Variants in CDYL2 observed in about 807,000 individuals in gnomAD.
CDYL2 encodes the protein chromodomain Y like 2, also known as chromodomain Y-like protein 2.
In CDYL2, 23 loss-of-function variants were observed where a neutral mutation model predicts 49.4. The ratio of observed to expected loss-of-function variants is 0.47; its 90% CI spans 0.34 to 0.66. The LOEUF (loss-of-function observed/expected upper bound fraction) is 0.66, where lower values mean the gene tolerates loss of function less well. Among genes scored for constraint, CDYL2 ranks in the 30% least tolerant of loss-of-function variants. CDYL2 has a pLI of 0.01. For missense variants in CDYL2, 678 were observed against 656.4 expected, an observed-to-expected ratio of 1.03 and a Z score of -0.36; for synonymous variants, 360 against 268.8, an observed-to-expected ratio of 1.34 and a Z score of -3.32.
rs757403782 is a variant in CDYL2 at position 80,685,149 on chromosome 16, G to C, written c.25-20C>G. ...TTCAACCTGCGATACAAGATGAGAG[G>C]GTCAGAAAACAGAGAGAGAGGGAGG... On this transcript the variant is annotated intron_variant, in intron 1 of 6. Transcript: ENST00000570137. 1.9e-6 allele frequency: 3 copies of C among 1,576,500 alleles called. No homozygotes were observed. The highest frequency in any genetic ancestry group is 1.7e-6 in the Non-Finnish European group (2 of 1,155,384).
chr16:80,641,913 A>T (rs969873984), intron 2 of CDYL2, among the ~76,000 whole-genome samples: 19 of 152,222 alleles, frequency 1.2e-4, no homozygotes, highest in Admixed American at 4.6e-4. Context: ...AAAAATAAAA[A>T]AAAAAAGAAA....
intron 1 of CDYL2, among the ~76,000 whole-genome samples, chr16:80,771,475 A>T (rs1490828797): frequency 6.6e-6 from 1 of 152,220 alleles, no homozygotes; most frequent in Non-Finnish European, 1.5e-5. Flanking sequence ...AGGCCGAGGT[A>T]GGCGGATCAC....
rs1437083649 is a variant in CDYL2, at chr16:80,604,267, G to A, written c.*121C>T. 1 of 1,104,894 alleles carries A rather than the reference G, an allele frequency of 9.1e-7. No individual in the cohort carries two copies. Among genetic ancestry groups the A allele is most frequent in the African/African-American group, 1.6e-5 (1 of 63,958 alleles). The allele number at this position is 1,104,894 out of a possible 1,614,324, so 68.4% of individuals were successfully genotyped here. On this transcript the variant is annotated 3_prime_UTR_variant, in exon 7 of 7. Transcript: ENST00000570137. ...GAGCAACCAAAGGACACGAGGAAAT[G>A]GACACAACCCTACGTATAAAGAGAC...
At chr16:80,643,982 T>G (rs139981507) in intron 2 of CDYL2, among the ~76,000 whole-genome samples, 96 of 152,308 alleles carry the variant, frequency 6.3e-4, no homozygotes, top group Non-Finnish European at 9.4e-4. Context: ...AACAAAAAAA[T>G]GGGTTTTCTT....
At chr16:80,634,343 G>C (rs546775266) in intron 2 of CDYL2, among the ~76,000 whole-genome samples, 33 of 152,294 alleles carry the variant, frequency 2.2e-4, no homozygotes, top group African/African-American at 7.0e-4. Context: ...CATGTCCTTT[G>C]CAGCGACATA....
chr16:80,714,444 T>C (rs1347329300), intron 1 of CDYL2, among the ~76,000 whole-genome samples: 4 of 152,144 alleles, frequency 2.6e-5, no homozygotes, highest in Non-Finnish European at 4.4e-5. Context: ...GTGTATCCCA[T>C]AAATATGTAC....
intron 1 of CDYL2, among the ~76,000 whole-genome samples, chr16:80,746,889 C>G (rs1242392217): frequency 1.3e-5 from 2 of 152,142 alleles, no homozygotes; most frequent in East Asian, 3.8e-4. Context: ...TCCAGATTCC[C>G]AGCTTCTCTT....
intron 1 of CDYL2, among the ~76,000 whole-genome samples, chr16:80,742,637 GA>G (rs1905783236): frequency 6.6e-6 from 1 of 152,054 alleles, no homozygotes; most frequent in Admixed American, 6.6e-5. Context: ...TGGATGGATG[GA>G]TGGATGGAGG....
At chr16:80,704,054 C>T (rs191406763) in intron 1 of CDYL2, among the ~76,000 whole-genome samples, 107 of 152,318 alleles carry the variant, frequency 7.0e-4, no homozygotes, top group Middle Eastern at 3.4e-3. Context: ...CCAGTAAAAA[C>T]TCCACTACCT....
At position 80,633,203 on chromosome 16, in the gene CDYL2, T is replaced by G; in HGVS notation, c.650A>C (p.His217Pro). The part of the protein sequence containing the change: ...SALTNGGLNL[H>P]SPVKRKLEAE... ...TTCCAGCTTCCTCTTCACTGGACTGTGCAGGTTCAATCCCCCGTTGGTCAG... is the reference window on the plus strand; with the variant it reads ...TTCCAGCTTCCTCTTCACTGGACTGGGCAGGTTCAATCCCCCGTTGGTCAG... Residue 217 changes from histidine (H) to proline (P), a missense_variant, in exon 3 of 7, where the codon CAC becomes CCC. Around this residue, in one of 3 missense-constraint regions of CDYL2, gnomAD observed 478 missense variants for 427.0 expected, o/e 1.12. Coordinates refer to ENST00000570137, the MANE Select transcript of CDYL2 (RefSeq NM_152342.4). 1 of 1,614,202 alleles carries G rather than the reference T, an allele frequency of 6.2e-7. No homozygotes were observed. The highest frequency in any genetic ancestry group is 1.1e-5 in the South Asian group (1 of 91,082).
chr16:80,652,423 A>C lies in CDYL2; in HGVS notation c.617-19187T>G, dbSNP rs998589119. ...ATCTGAAAATATAAAATTACCATCC[A>C]TGAGTCCATACTGCTTTAAATAAAT... On this transcript the variant is annotated intron_variant, in intron 2 of 6. Coordinates refer to ENST00000570137, the MANE Select transcript of CDYL2 (RefSeq NM_152342.4). 2.0e-5 allele frequency among the ~76,000 whole-genome samples: 3 copies of C among 152,266 alleles called. No homozygotes were observed. In the East Asian group the frequency reaches 5.8e-4, roughly 29 times the overall value.
chr16:80,610,049 A>C (rs1906524540), intron 5 of CDYL2, among the ~76,000 whole-genome samples: 1 of 152,332 alleles, frequency 6.6e-6, no homozygotes, highest in African/African-American at 2.4e-5. Context: ...AGGGCCTGGT[A>C]GTGCAGAAGG....
chr16:80,669,216 T>C (rs1159825868), intron 2 of CDYL2, among the ~76,000 whole-genome samples: 1 of 151,596 alleles, frequency 6.6e-6, no homozygotes, highest in Admixed American at 6.6e-5. Context: ...TGGAAGGTAA[T>C]GGGAAGACGA....
intron 2 of CDYL2, among the ~76,000 whole-genome samples, chr16:80,670,260 G>T (rs553044528): frequency 1.3e-5 from 2 of 149,796 alleles, no homozygotes; most frequent in East Asian, 3.9e-4. Context: ...CGTGTGGTGG[G>T]AGGGACCCAG....
At chr16:80,661,589 A>G (rs1471985898) in intron 2 of CDYL2, among the ~76,000 whole-genome samples, 3 of 152,190 alleles carry the variant, frequency 2.0e-5, no homozygotes, top group African/African-American at 7.2e-5. Flanking sequence ...CATCTTGACC[A>G]AGCTTGATGC....
chr16:80,626,273 T>C (rs1229322852), intron 3 of CDYL2, among the ~76,000 whole-genome samples: 1 of 79,194 alleles, frequency 1.3e-5, no homozygotes, highest in Non-Finnish European at 2.2e-5. Flanking sequence ...TGAAATCCCA[T>C]CTAAAAAAAA....
intron 1 of CDYL2, among the ~76,000 whole-genome samples, chr16:80,712,191 G>GTGTATATATATATATATATATA (rs1555532109): frequency 1.0e-4 from 11 of 107,930 alleles, no homozygotes; most frequent in East Asian, 2.5e-4. Context: ...GTCTGTGTGT[G>GTGTATATATATATATATATATA]TATATATATA....
chr16:80,609,957 A>T (rs1225059548), intron 5 of CDYL2, among the ~76,000 whole-genome samples: 1 of 152,146 alleles, frequency 6.6e-6, no homozygotes, highest in Non-Finnish European at 1.5e-5. Flanking sequence ...CAAAGCCTCA[A>T]TCTTCTCTGC....
chr16:80,745,525 T>C (rs548235485), intron 1 of CDYL2, among the ~76,000 whole-genome samples: 2 of 152,062 alleles, frequency 1.3e-5, no homozygotes, highest in Non-Finnish European at 2.9e-5. Flanking sequence ...AAAAAGAATA[T>C]AAAAACAGTA....
Sources: allele counts gnomAD v4.1 joint callset (sites outside exome capture counted in the v4.1 genomes callset), GRCh38; gene constraint gnomAD v4.1.1; regional missense constraint gnomAD v4.1.1; transcripts MANE v1.5; gene names NCBI Gene and HGNC (gene_info 2026-07-23, HGNC 2026-07-21).